UBE2F: variants seen among roughly 807,000 people sequenced by gnomAD.
The protein encoded by UBE2F is NEDD8-conjugating enzyme UBE2F.
Under a neutral mutation model 29.6 loss-of-function variants are expected in UBE2F, and 5 were observed. The observed-to-expected ratio is 0.17, with a 90% CI of 0.09 to 0.36. The LOEUF (loss-of-function observed/expected upper bound fraction) is 0.36. Among genes scored for constraint, UBE2F ranks in the 10% least tolerant of loss-of-function variants. The pLI, the probability that UBE2F is intolerant of heterozygous loss-of-function variation, is 1.00. For missense variants in UBE2F, 141 were observed against 228.5 expected (o/e 0.62, Z 2.47); for synonymous variants, 66 against 81.8 (o/e 0.81, Z 1.04).
chr2:238,028,043 C>G lies in UBE2F; in HGVS notation c.354-2513C>G, dbSNP rs562000370. ...CTTCTATTACAGTTCGTGGGGTGTC[C>G]TTTGTCTCCTTGCTTAATGACATCT... On this transcript the variant is annotated intron_variant, in intron 6 of 9. Transcript: ENST00000272930. 2.0e-5 allele frequency among the ~76,000 whole-genome samples: 3 copies of G among 152,354 alleles called. No homozygotes were observed. In the South Asian group the frequency reaches 6.2e-4, roughly 32 times the overall value.
chr2:237,973,720 GT>G, intron 2 of UBE2F: 1 of 1,284,926 alleles, frequency 7.8e-7, no homozygotes, highest in Non-Finnish European at 1.0e-6. Context: ...GTGTTCTAGA[GT>G]TTTCGTGACT....
rs537885681 is a variant in UBE2F at position 237,997,228 on chromosome 2, T to TA, written c.214+2427dup. 3.3e-4 allele frequency among the ~76,000 whole-genome samples: 50 copies of TA among 151,628 alleles called. No homozygotes were observed. In the South Asian group the frequency reaches 5.2e-3, roughly 16 times the overall value. ...AGCGACAGAGCTGTCTCAAAAAAAA[T>TA]AAAAAAAATAAATAAAAAGTAACTT... On this transcript the variant is annotated intron_variant, in intron 4 of 9. Transcript: ENST00000272930.
intron 9 of UBE2F, 120 bp from the exon 10 acceptor site, chr2:238,041,168 A>G (rs1398237100): frequency 1.1e-6 from 1 of 935,580 alleles, no homozygotes; most frequent in Non-Finnish European, 1.7e-6. Context: ...TCCTTCTACC[A>G]CCTTGGCGAC....
In UBE2F at chr2:238,040,486, G is replaced by A. The variant is rs890496870; in HGVS notation, c.508-802G>A. Among the ~76,000 whole-genome samples, 3 of 152,182 alleles carry A rather than the reference G, an allele frequency of 2.0e-5. No homozygotes were observed. The highest frequency in any genetic ancestry group is 7.2e-5 in the African/African-American group (3 of 41,444). On this transcript the variant is annotated intron_variant, in intron 9 of 9. Coordinates refer to ENST00000272930, the MANE Select transcript of UBE2F (RefSeq NM_080678.3). The surrounding 1 kb of genome is among the most constrained non-coding windows in gnomAD (Gnocchi z 4.4). ...GCAGTGGGGGCTGCATGGCATTGAT[G>A]GGACCGAAGCAGTGTGATCCTGCAG... is the stretch of plus-strand genomic sequence containing the variant.
chr2:237,971,985 A>G (rs952921540), intron 1 of UBE2F, among the ~76,000 whole-genome samples: 1 of 152,220 alleles, frequency 6.6e-6, no homozygotes, highest in Non-Finnish European at 1.5e-5. Context: ...CATTTCTTCA[A>G]CCGTCTCCCA....
chr2:238,012,128 C>T (rs1164453928), intron 4 of UBE2F, among the ~76,000 whole-genome samples: 2 of 151,600 alleles, frequency 1.3e-5, no homozygotes, highest in African/African-American at 2.4e-5. Flanking sequence ...AAGCAAGCCA[C>T]CTGCCTTGGC....
At chr2:238,013,174 G>A (rs1324239973) in intron 4 of UBE2F, among the ~76,000 whole-genome samples, 2 of 152,304 alleles carry the variant, frequency 1.3e-5, no homozygotes, top group South Asian at 2.1e-4. Flanking sequence ...GGTGGTTGAG[G>A]TGGGAGGATC....
chr2:238,014,181 G>T (rs181587359), intron 4 of UBE2F, among the ~76,000 whole-genome samples: 4 of 152,334 alleles, frequency 2.6e-5, no homozygotes, highest in African/African-American at 9.6e-5. Flanking sequence ...TCTCAGTCCA[G>T]TCTGCTCCCA....
intron 9 of UBE2F, among the ~76,000 whole-genome samples, chr2:238,038,399 T>C (rs1432920289): frequency 6.6e-6 from 1 of 152,112 alleles, no homozygotes; most frequent in East Asian, 1.9e-4. Context: ...GGGCTTGTGT[T>C]GTCTGGTAAA....
intron 9 of UBE2F, among the ~76,000 whole-genome samples, chr2:238,041,034 C>G (rs973219119): frequency 1.3e-5 from 2 of 152,102 alleles, no homozygotes; most frequent in East Asian, 3.9e-4. Flanking sequence ...ATAGGTACCC[C>G]CTTAGGGTCC....
At chr2:237,977,720 C>T (rs901580669) in intron 2 of UBE2F, among the ~76,000 whole-genome samples, 2 of 152,034 alleles carry the variant, frequency 1.3e-5, no homozygotes, top group African/African-American at 4.8e-5. Context: ...AGTGAGAATC[C>T]TTTCCAGGTG....
intron 2 of UBE2F, among the ~76,000 whole-genome samples, chr2:237,979,226 TC>T (rs1431870613): frequency 6.6e-6 from 1 of 152,182 alleles, no homozygotes; most frequent in African/African-American, 2.4e-5. Context: ...CCAGGTGGTT[TC>T]TAACCTTCTC....
Position 238,041,411 on chromosome 2 carries a change from C to G in UBE2F, c.*73C>G. ...TAACATGAAACAGCAAGAGGTAGCCCCCTCTCCCGTCCTCATGCTCCCTCT... is the reference window on the plus strand; with the variant it reads ...TAACATGAAACAGCAAGAGGTAGCCGCCTCTCCCGTCCTCATGCTCCCTCT... On this transcript the variant is annotated 3_prime_UTR_variant, in exon 10 of 10. Transcript: ENST00000272930. 1 of 1,525,256 alleles carries G rather than the reference C, an allele frequency of 6.6e-7. No individual in the cohort carries two copies. The highest frequency in any genetic ancestry group is 1.1e-5 in the South Asian group (1 of 88,360). 94.5% of individuals were successfully genotyped at this position (1,525,256 alleles called of 1,614,324 possible). A position where few individuals can be genotyped will look rare whatever the true frequency, so the allele number is the denominator to read the frequency against.
chr2:237,996,601 G>A lies in UBE2F; in HGVS notation c.214+1792G>A, dbSNP rs140699476. On this transcript the variant is annotated intron_variant, in intron 4 of 9. Coordinates refer to ENST00000272930, the MANE Select transcript of UBE2F (RefSeq NM_080678.3). ...AGTGATTCTCCTGCCTCAGCCTCCT[G>A]AGTAGCTGGGATTACAGGCATGCGC... 1.4e-3 allele frequency among the ~76,000 whole-genome samples: 206 copies of A among 151,682 alleles called. 4 individuals carry two copies. In the East Asian group the frequency reaches 0.035, roughly 26 times the overall value.
intron 5 of UBE2F, among the ~76,000 whole-genome samples, chr2:238,021,547 C>T (rs900315249): frequency 3.3e-5 from 5 of 152,150 alleles, no homozygotes; most frequent in Admixed American, 2.6e-4. Context: ...ATATGATGGA[C>T]GTACACATTC....
At chr2:238,008,809 A>G (rs13417555) in intron 4 of UBE2F, among the ~76,000 whole-genome samples, 1 of 152,194 alleles carries the variant, frequency 6.6e-6, no homozygotes, top group Non-Finnish European at 1.5e-5. Context: ...ACTTTTACAT[A>G]TGTTGTAACC....
intron 3 of UBE2F, among the ~76,000 whole-genome samples, chr2:237,991,310 A>G (rs1039828472): frequency 1.2e-4 from 19 of 152,214 alleles, no homozygotes; most frequent in Admixed American, 2.0e-4. Flanking sequence ...ACCCTTTACT[A>G]TCTATTTAAT....
intron 2 of UBE2F, 152 bp downstream of exon 2, chr2:237,973,377 A>ACATTGTAC: frequency 1.1e-6 from 1 of 894,948 alleles, no homozygotes. Flanking sequence ...ATAGTGAAGG[A>ACATTGTAC]CATTGTACCA....
At chr2:238,010,947 C>T (rs1246710735) in intron 4 of UBE2F, among the ~76,000 whole-genome samples, 1 of 151,988 alleles carries the variant, frequency 6.6e-6, no homozygotes, top group Non-Finnish European at 1.5e-5. Context: ...TCTTTGACTC[C>T]TTCTCTCCTC....
Sources: gnomAD v4.1 joint callset for allele counts (sites outside exome capture counted in the v4.1 genomes callset) on GRCh38, gnomAD v4.1.1 for gene constraint, Gnocchi (gnomAD v3.1) non-coding constraint, MANE v1.5 for transcripts, NCBI Gene and HGNC (gene_info 2026-07-23, HGNC 2026-07-21) for gene names.